The following IGF2BP2 variants were observed in gnomAD, a reference collection of about 807,000 sequenced individuals.
IGF2BP2 encodes insulin like growth factor 2 mRNA binding protein 2.
Under a neutral mutation model 75.8 loss-of-function variants are expected in IGF2BP2, and 17 were observed. That is an observed-to-expected ratio of 0.22 (90% CI 0.15 to 0.34). IGF2BP2 has a LOEUF of 0.34. Among genes scored for constraint, IGF2BP2 ranks in the 10% least tolerant of loss-of-function variants. The pLI is 1.00. For missense variants in IGF2BP2, 516 were observed against 772.4 expected (o/e 0.67, Z 3.93); for synonymous variants, 288 against 295.6 (o/e 0.97, Z 0.26).
intron 7 of IGF2BP2, among the ~76,000 whole-genome samples, chr3:185,676,989 GATAT>G (rs1166535510): frequency 1.5e-5 from 2 of 129,720 alleles, no homozygotes; most frequent in Non-Finnish European, 3.2e-5. Context: ...TATATATGGA[GATAT>G]ATATATATGG....
At chr3:185,724,786 G>A (rs2149484143) in intron 2 of IGF2BP2, 1 of 152,292 alleles carries the variant, frequency 6.6e-6, no homozygotes, top group South Asian at 2.1e-4. Context: ...TCAGAATCTT[G>A]CCTATATGCT....
chr3:185,804,447 C>CA (rs1283419587), intron 2 of IGF2BP2, among the ~76,000 whole-genome samples: 2 of 146,400 alleles, frequency 1.4e-5, no homozygotes, highest in Admixed American at 6.8e-5. Context: ...AAAAAAAAAA[C>CA]AAAAAAACAC....
At chr3:185,721,710 T>C (rs1034307231) in intron 2 of IGF2BP2, among the ~76,000 whole-genome samples, 3 of 152,170 alleles carry the variant, frequency 2.0e-5, no homozygotes, top group African/African-American at 7.2e-5. Context: ...TGTACCTGTC[T>C]TCCTCTTCTC....
At chr3:185,679,687 G>A (rs1720086889) in intron 7 of IGF2BP2, among the ~76,000 whole-genome samples, 1 of 151,970 alleles carries the variant, frequency 6.6e-6, no homozygotes, top group Admixed American at 6.6e-5. Context: ...CATGATCTCA[G>A]CTCACTGTAA....
chr3:185,664,783 G>C (rs1284571033), intron 10 of IGF2BP2, among the ~76,000 whole-genome samples: 2 of 152,168 alleles, frequency 1.3e-5, no homozygotes, highest in Non-Finnish European at 2.9e-5. Flanking sequence ...ACAAAGAGTA[G>C]AGTGAGGTTT....
At chr3:185,810,071 CCAT>C (rs1739594627) in intron 2 of IGF2BP2, among the ~76,000 whole-genome samples, 1 of 152,206 alleles carries the variant, frequency 6.6e-6, no homozygotes, top group African/African-American at 2.4e-5. Context: ...CTATGCCCTA[CCAT>C]CTATGATTTG....
chr3:185,797,326 G>A (rs1202865872), intron 2 of IGF2BP2, among the ~76,000 whole-genome samples: 2 of 152,178 alleles, frequency 1.3e-5, no homozygotes, highest in Non-Finnish European at 2.9e-5. Flanking sequence ...CAAGCAGTAA[G>A]GAGTACAGCT....
At chr3:185,771,668 A>C (rs185662720) in intron 2 of IGF2BP2, among the ~76,000 whole-genome samples, 33 of 152,212 alleles carry the variant, frequency 2.2e-4, no homozygotes, top group Middle Eastern at 3.4e-3. Context: ...AATTTCAATA[A>C]ATTAGTGAAT....
At chr3:185,741,981 G>A (rs1729611800) in intron 2 of IGF2BP2, among the ~76,000 whole-genome samples, 1 of 152,234 alleles carries the variant, frequency 6.6e-6, no homozygotes, top group Middle Eastern at 3.4e-3. Context: ...AAATGGTGTT[G>A]TATGTTATAG....
At chr3:185,744,200 T>C (rs773170458) in intron 2 of IGF2BP2, among the ~76,000 whole-genome samples, 10 of 152,222 alleles carry the variant, frequency 6.6e-5, no homozygotes, top group South Asian at 2.1e-4. Context: ...ATTCCTACCA[T>C]AGCCAAGTGA....
At chr3:185,669,012 C>A (rs548508388) in intron 10 of IGF2BP2, among the ~76,000 whole-genome samples, 2 of 152,076 alleles carry the variant, frequency 1.3e-5, no homozygotes, top group South Asian at 4.1e-4. Context: ...CAGAAAGCAA[C>A]TTATCAGAGA....
chr3:185,686,812 C>T (rs748691812), intron 7 of IGF2BP2, among the ~76,000 whole-genome samples: 1 of 151,990 alleles, frequency 6.6e-6, no homozygotes, highest in Non-Finnish European at 1.5e-5. Context: ...TAATTACTAT[C>T]AATGGGTGAT....
chr3:185,661,692 C>A (rs1030921582), intron 10 of IGF2BP2, among the ~76,000 whole-genome samples: 1 of 150,582 alleles, frequency 6.6e-6, no homozygotes, highest in Non-Finnish European at 1.5e-5. Context: ...GAGGCATTGA[C>A]CCGGGTCCCG....
In IGF2BP2 at chr3:185,788,383, C is replaced by A. The variant is rs559865659; in HGVS notation, c.239+34770G>T. Among the ~76,000 whole-genome samples the A allele has an allele frequency of 3.9e-5, 6 of 152,176 alleles. No individual in the cohort carries two copies. In the East Asian group the frequency reaches 1.2e-3, roughly 29 times the overall value. On this transcript the variant is annotated intron_variant, in intron 2 of 15. Coordinates refer to ENST00000382199, the MANE Select transcript of IGF2BP2 (RefSeq NM_006548.6). ...AATAATAAAAAATTAGCTGGGCACA[C>A]ACCTGTTGTCCCAGCTACTCAGGAG...
At chr3:185,748,272 T>G (rs1474502085) in intron 2 of IGF2BP2, among the ~76,000 whole-genome samples, 1 of 152,142 alleles carries the variant, frequency 6.6e-6, no homozygotes, top group African/African-American at 2.4e-5. Flanking sequence ...AGGAAGGAAC[T>G]GGGGGGTTAC....
chr3:185,732,035 T>C (rs1410739800), intron 2 of IGF2BP2, among the ~76,000 whole-genome samples: 1 of 151,928 alleles, frequency 6.6e-6, no homozygotes, highest in Non-Finnish European at 1.5e-5. Context: ...CACGTTCAGC[T>C]CCTGCCTCTA....
chr3:185,824,450 G>T (rs1578430092), intron 1 of IGF2BP2, among the ~76,000 whole-genome samples: 1 of 139,038 alleles, frequency 7.2e-6, no homozygotes, highest in Non-Finnish European at 1.6e-5. Flanking sequence ...TCAAAGGGTG[G>T]GGGGCGGGGA....
chr3:185,820,251 C>G (rs919309936), intron 2 of IGF2BP2, among the ~76,000 whole-genome samples: 14 of 137,904 alleles, frequency 1.0e-4, no homozygotes, highest in African/African-American at 4.3e-4. Flanking sequence ...CACACACACA[C>G]ACACACACAC....
chr3:185,657,932 CAG>C (rs1715717887), intron 11 of IGF2BP2, among the ~76,000 whole-genome samples: 1 of 152,162 alleles, frequency 6.6e-6, no homozygotes, highest in Admixed American at 6.5e-5. Flanking sequence ...TGACAAAAGG[CAG>C]AGGCTCTTGG....
Sources: gnomAD v4.1 joint callset for allele counts (sites outside exome capture counted in the v4.1 genomes callset) on GRCh38, gnomAD v4.1.1 for gene constraint, MANE v1.5 for transcripts, NCBI Gene and HGNC (gene_info 2026-07-23, HGNC 2026-07-21) for gene names.